GRM7: variants seen among roughly 807,000 people sequenced by gnomAD.
GRM7 encodes the protein glutamate metabotropic receptor 7.
Under a neutral mutation model 84.5 loss-of-function variants are expected in GRM7, and 35 were observed. The observed-to-expected ratio is 0.41, with a 90% confidence interval of 0.32 to 0.55. The LOEUF is 0.55. GRM7 is among the 20% of genes least tolerant of loss of function. GRM7 has a pLI of 0.19. For synonymous variants in GRM7, 487 were observed against 455.1 expected (o/e 1.07, Z -0.89); for missense variants, 1,003 against 1,194.6 (o/e 0.84, Z 2.36).
chr3:6,901,927 T>C (rs1404166317), intron 1 of GRM7, among the ~76,000 whole-genome samples: 2 of 152,148 alleles, frequency 1.3e-5, no homozygotes, highest in African/African-American at 4.8e-5. Flanking sequence ...CTATACATTT[T>C]TGTATGTTTT....
intron 6 of GRM7, among the ~76,000 whole-genome samples, chr3:7,459,991 C>T (rs1311331790): frequency 6.8e-6 from 1 of 146,582 alleles, no homozygotes; most frequent in Non-Finnish European, 1.5e-5. Context: ...TCAAGAGTGA[C>T]AAGACAGAGA....
At chr3:7,666,058 G>A (rs1007316491) in intron 8 of GRM7, among the ~76,000 whole-genome samples, 24 of 152,044 alleles carry the variant, frequency 1.6e-4, no homozygotes, top group African/African-American at 5.1e-4. Flanking sequence ...ATCTATGACC[G>A]CAATGATAAT....
At chr3:7,020,373 A>G (rs543501049) in intron 1 of GRM7, among the ~76,000 whole-genome samples, 6 of 152,198 alleles carry the variant, frequency 3.9e-5, no homozygotes, top group Non-Finnish European at 8.8e-5. Context: ...ATGAATAGGC[A>G]GAACATGGGG....
intron 1 of GRM7, among the ~76,000 whole-genome samples, chr3:6,938,867 C>T (rs1342942455): frequency 6.6e-6 from 1 of 152,166 alleles, no homozygotes. Context: ...CACATCTGAA[C>T]CCCAAAACTT....
At chr3:6,971,749 C>T (rs1693766547) in intron 1 of GRM7, among the ~76,000 whole-genome samples, 1 of 151,958 alleles carries the variant, frequency 6.6e-6, no homozygotes, top group Non-Finnish European at 1.5e-5. Flanking sequence ...TTTATTCACT[C>T]TATTGAGGTA....
intron 1 of GRM7, among the ~76,000 whole-genome samples, chr3:6,971,871 T>A (rs577561867): frequency 2.0e-5 from 3 of 152,174 alleles, no homozygotes; most frequent in African/African-American, 7.2e-5. Flanking sequence ...GTTGTTTTAT[T>A]AAAACTAAAA....
At chr3:7,373,940 C>T (rs1005320900) in intron 4 of GRM7, among the ~76,000 whole-genome samples, 6 of 152,036 alleles carry the variant, frequency 3.9e-5, no homozygotes, top group African/African-American at 9.7e-5. Flanking sequence ...TTTAAATAAC[C>T]GTCTGTGACT....
intron 1 of GRM7, among the ~76,000 whole-genome samples, chr3:7,053,640 T>G (rs1697093679): frequency 6.6e-6 from 1 of 151,626 alleles, no homozygotes; most frequent in Non-Finnish European, 1.5e-5. Context: ...TATCCTTGTT[T>G]TGGTTGATTG....
chr3:7,456,817 T>G (rs936758497), intron 6 of GRM7, among the ~76,000 whole-genome samples: 1 of 152,126 alleles, frequency 6.6e-6, no homozygotes, highest in Non-Finnish European at 1.5e-5. Flanking sequence ...ACTGCAGTAT[T>G]CATGGATGAC....
chr3:6,870,621 A>G (rs2124941604), intron 1 of GRM7, among the ~76,000 whole-genome samples: 1 of 152,278 alleles, frequency 6.6e-6, no homozygotes, highest in Middle Eastern at 3.4e-3. Flanking sequence ...TATTGAGGGT[A>G]AGGGCAAAGA....
intron 7 of GRM7, among the ~76,000 whole-genome samples, chr3:7,487,550 A>T (rs923813360): frequency 6.6e-6 from 1 of 152,174 alleles, no homozygotes; most frequent in Admixed American, 6.5e-5. Context: ...CTCACATCCA[A>T]GACACTTCAG....
intron 1 of GRM7, among the ~76,000 whole-genome samples, chr3:7,138,113 A>G (rs1261170776): frequency 2.0e-5 from 3 of 152,056 alleles, no homozygotes. Flanking sequence ...ACATGCCAGT[A>G]AATATTTTTT....
chr3:7,383,090 C>T (rs1418396578), intron 4 of GRM7, among the ~76,000 whole-genome samples: 1 of 152,228 alleles, frequency 6.6e-6, no homozygotes, highest in East Asian at 1.9e-4. Context: ...CTAGCCCCCA[C>T]ATCCAAATTT....
At chr3:7,161,079 C>T (rs140520313) in intron 2 of GRM7, among the ~76,000 whole-genome samples, 1 of 152,156 alleles carries the variant, frequency 6.6e-6, no homozygotes, top group Non-Finnish European at 1.5e-5. Context: ...CTACTTTCTA[C>T]TCTCAGGTTC....
At chr3:7,396,062 A>G (rs973546815) in intron 4 of GRM7, among the ~76,000 whole-genome samples, 9 of 152,154 alleles carry the variant, frequency 5.9e-5, no homozygotes, top group Non-Finnish European at 1.3e-4. Flanking sequence ...AAATTGAAAA[A>G]ATTAAAACCA....
chr3:7,050,870 C>G (rs1170520461), intron 1 of GRM7, among the ~76,000 whole-genome samples: 2 of 151,784 alleles, frequency 1.3e-5, no homozygotes, highest in Non-Finnish European at 1.5e-5. Flanking sequence ...TGATTCAAAA[C>G]CAATTAGATG....
chr3:7,246,389 C>A (rs775776494), intron 2 of GRM7, among the ~76,000 whole-genome samples: 22 of 152,226 alleles, frequency 1.4e-4, no homozygotes, highest in Middle Eastern at 3.4e-3. Flanking sequence ...GCCCTGGAAA[C>A]TTTGTCTGTG....
chr3:7,012,266 C>G (rs1245938915), intron 1 of GRM7, among the ~76,000 whole-genome samples: 1 of 152,190 alleles, frequency 6.6e-6, no homozygotes, highest in Non-Finnish European at 1.5e-5. Flanking sequence ...AGGAAACAAT[C>G]TTGGCTCTCA....
chr3:7,515,068 A>C (rs1272762945), intron 7 of GRM7, among the ~76,000 whole-genome samples: 2 of 152,016 alleles, frequency 1.3e-5, no homozygotes, highest in Non-Finnish European at 2.9e-5. Flanking sequence ...CCATGTGTAA[A>C]ATGGAGATAT....
Sources: allele counts gnomAD v4.1 joint callset (sites outside exome capture counted in the v4.1 genomes callset), GRCh38; gene constraint gnomAD v4.1.1; transcripts MANE v1.5; gene names NCBI Gene and HGNC (gene_info 2026-07-23, HGNC 2026-07-21).